Variants in NTF3 observed in about 807,000 individuals in gnomAD.
The protein encoded by NTF3 is neurotrophin 3, also known as neurotrophin-3.
In NTF3, 8 loss-of-function variants were observed where a neutral mutation model predicts 26.3. That is an observed-to-expected ratio of 0.30 (90% CI 0.18 to 0.55). The LOEUF (loss-of-function observed/expected upper bound fraction) is 0.55, where lower values mean the gene tolerates loss of function less well. Among genes scored for constraint, NTF3 ranks in the 20% least tolerant of loss-of-function variants. The pLI, the probability that NTF3 is intolerant of heterozygous loss-of-function variation, is 0.93. For synonymous variants in NTF3, 154 were observed against 145.5 expected (o/e 1.06, Z -0.42); for missense variants, 276 against 352.9 (o/e 0.78, Z 1.75).
chr12:5,463,799 A>G (rs1021735436), intron 1 of NTF3, among the ~76,000 whole-genome samples: 1 of 152,198 alleles, frequency 6.6e-6, no homozygotes, highest in Non-Finnish European at 1.5e-5. Flanking sequence ...ATACCACACT[A>G]CTGGGTTACC....
At chr12:5,449,302 C>A (rs563334957) in intron 1 of NTF3, among the ~76,000 whole-genome samples, 1 of 152,352 alleles carries the variant, frequency 6.6e-6, no homozygotes, top group South Asian at 2.1e-4. Context: ...TCCCTCAGCC[C>A]CTCCCAGGAC....
In NTF3 at chr12:5,443,304, T is replaced by C. The variant is rs148152534; in HGVS notation, c.18+10962T>C. 5.9e-4 allele frequency among the ~76,000 whole-genome samples: 90 copies of C among 152,296 alleles called. 2 individuals carry two copies. The East Asian group carries it at 0.017, about 28-fold the overall frequency. ...CCCTGCATCATGTACCACTCTTGGA[T>C]GCAGTGGGAGGTGGTTTCCTGGTTT... On this transcript the variant is annotated intron_variant, in intron 1 of 1. Transcript: ENST00000423158.
intron 1 of NTF3, among the ~76,000 whole-genome samples, chr12:5,490,183 G>A (rs1940917630): frequency 1.3e-5 from 2 of 152,296 alleles, no homozygotes; most frequent in South Asian, 2.1e-4. Flanking sequence ...TTTGGGAAAA[G>A]AAGGCAGAGT....
intron 1 of NTF3, among the ~76,000 whole-genome samples, chr12:5,477,340 G>A (rs1233508502): frequency 6.6e-6 from 1 of 152,048 alleles, no homozygotes; most frequent in Non-Finnish European, 1.5e-5. Flanking sequence ...TTATAATTCC[G>A]AAACCCAAAA....
At chr12:5,492,151 C>G (rs1477906254) in intron 1 of NTF3, among the ~76,000 whole-genome samples, 2 of 152,196 alleles carry the variant, frequency 1.3e-5, no homozygotes, top group Non-Finnish European at 2.9e-5. Context: ...CATAAAGACT[C>G]TTACTTTTTC....
chr12:5,438,800 C>T (rs1940204130), intron 1 of NTF3, among the ~76,000 whole-genome samples: 1 of 152,198 alleles, frequency 6.6e-6, no homozygotes, highest in Admixed American at 6.5e-5. Context: ...TAGGACATGA[C>T]TTTGCCATCT....
chr12:5,457,755 C>T (rs1940470113), intron 1 of NTF3, among the ~76,000 whole-genome samples: 1 of 152,186 alleles, frequency 6.6e-6, no homozygotes, highest in African/African-American at 2.4e-5. Context: ...CCCAAACTTT[C>T]CCAACTCCAG....
intron 1 of NTF3, among the ~76,000 whole-genome samples, chr12:5,475,440 T>C (rs1475085767): frequency 6.6e-6 from 1 of 152,182 alleles, no homozygotes; most frequent in Non-Finnish European, 1.5e-5. Flanking sequence ...ATCAGATAGT[T>C]ACAAAGTTAT....
chr12:5,453,729 CAG>C (rs1940403111), intron 1 of NTF3, among the ~76,000 whole-genome samples: 1 of 152,206 alleles, frequency 6.6e-6, no homozygotes, highest in Admixed American at 6.5e-5. Context: ...TGACCACAGA[CAG>C]GGGCCATCTG....
chr12:5,463,640 G>T (rs886800246), intron 1 of NTF3, among the ~76,000 whole-genome samples: 12 of 152,188 alleles, frequency 7.9e-5, no homozygotes, highest in Non-Finnish European at 1.5e-4. Flanking sequence ...TTTATGTAAA[G>T]GATGTGGCCT....
chr12:5,469,673 G>T (rs74056366), intron 1 of NTF3, among the ~76,000 whole-genome samples: 2 of 152,124 alleles, frequency 1.3e-5, no homozygotes, highest in Non-Finnish European at 2.9e-5. Flanking sequence ...TTCCTCAAAG[G>T]TCACAGATCT....
intron 1 of NTF3, among the ~76,000 whole-genome samples, chr12:5,472,543 G>T (rs935112395): frequency 7.9e-5 from 12 of 152,124 alleles, no homozygotes; most frequent in Admixed American, 7.2e-4. Context: ...CCCTCCAGTG[G>T]TCACTTACTC....
intron 1 of NTF3, among the ~76,000 whole-genome samples, chr12:5,481,483 GCACAC>G: frequency 6.6e-5 from 1 of 15,100 alleles, no homozygotes; most frequent in Non-Finnish European, 1.5e-4. Context: ...ACACATACAT[GCACAC>G]CACAGATACA....
chr12:5,448,361 G>A (rs35852166), intron 1 of NTF3, among the ~76,000 whole-genome samples: 4,795 of 152,126 alleles, frequency 0.032, 104 homozygotes, highest in Non-Finnish European at 0.043. Context: ...CCTTTTCATG[G>A]TGCTGGCTTT....
chr12:5,477,331 T>C (rs1199822621), intron 1 of NTF3, among the ~76,000 whole-genome samples: 1 of 152,250 alleles, frequency 6.6e-6, no homozygotes, highest in African/African-American at 2.4e-5. Flanking sequence ...GTCTCTTCTT[T>C]ATAATTCCGA....
intron 1 of NTF3, among the ~76,000 whole-genome samples, chr12:5,467,228 CAAAAAAAAAAAAAAAAAAA>C (rs60794349): frequency 1.8e-4 from 9 of 49,542 alleles, no homozygotes; most frequent in Non-Finnish European, 1.3e-4. Flanking sequence ...GACTCCGTCT[CAAAAAAAAAAAAAAAAAAA>C]AAAAAAAAAA....
At chr12:5,469,102 CAG>C (rs1940631266) in intron 1 of NTF3, among the ~76,000 whole-genome samples, 1 of 151,304 alleles carries the variant, frequency 6.6e-6, no homozygotes, top group Non-Finnish European at 1.5e-5. Context: ...GCCTAGGAGA[CAG>C]AGTGAGATCC....
At chr12:5,454,320 T>A (rs898771477) in intron 1 of NTF3, among the ~76,000 whole-genome samples, 1 of 152,226 alleles carries the variant, frequency 6.6e-6, no homozygotes, top group Non-Finnish European at 1.5e-5. Context: ...TGTGTTCAGA[T>A]GTCCCTTTTT....
chr12:5,448,162 C>T (rs868382023), intron 1 of NTF3, among the ~76,000 whole-genome samples: 2 of 152,162 alleles, frequency 1.3e-5, no homozygotes, highest in Non-Finnish European at 2.9e-5. Context: ...TAATAGATTC[C>T]GCTACCACAA....
Sources: allele counts gnomAD v4.1 joint callset (sites outside exome capture counted in the v4.1 genomes callset), GRCh38; gene constraint gnomAD v4.1.1; transcripts MANE v1.5; gene names NCBI Gene and HGNC (gene_info 2026-07-23, HGNC 2026-07-21).